GRIN2A: variants seen among roughly 807,000 people sequenced by gnomAD.
GRIN2A encodes glutamate ionotropic receptor NMDA type subunit 2A, also known as glutamate receptor ionotropic, NMDA 2A.
Under a neutral mutation model 113.4 loss-of-function variants are expected in GRIN2A, and 22 were observed. That is an observed-to-expected ratio of 0.19 (90% CI 0.14 to 0.28). The LOEUF (loss-of-function observed/expected upper bound fraction) is 0.28. Ranked by LOEUF, GRIN2A falls within the 10% of genes least tolerant of loss-of-function variation. The pLI is 1.00. For missense variants in GRIN2A, 1,502 were observed against 1,887.0 expected (o/e 0.80, Z 3.78); for synonymous variants, 827 against 738.4 (o/e 1.12, Z -1.94).
intron 3 of GRIN2A, among the ~76,000 whole-genome samples, chr16:9,917,372 A>G (rs1196017454): frequency 1.3e-5 from 2 of 152,238 alleles, no homozygotes; most frequent in Non-Finnish European, 2.9e-5. Flanking sequence ...GGGGTTTGGC[A>G]CTGAACACTA....
chr16:9,943,621 G>A lies in GRIN2A; in HGVS notation c.415-5070C>T, dbSNP rs183956664. Among the ~76,000 whole-genome samples, 11 of 152,280 alleles carry A rather than the reference G, an allele frequency of 7.2e-5. No individual in the cohort carries two copies. In the East Asian group the frequency reaches 2.1e-3, roughly 29 times the overall value. Reference sequence around the variant, plus strand: ...CCTAACTACTCAAGAGATAACGCAAGTGGCATAACACTCATGGATGGCATT... The same window carrying A: ...CCTAACTACTCAAGAGATAACGCAAATGGCATAACACTCATGGATGGCATT... On this transcript the variant is annotated intron_variant, in intron 2 of 12. Transcript: ENST00000330684.
intron 2 of GRIN2A, among the ~76,000 whole-genome samples, chr16:10,119,725 C>T (rs1283560078): frequency 6.6e-6 from 1 of 152,158 alleles, no homozygotes; most frequent in Non-Finnish European, 1.5e-5. Context: ...TTTATCCTCT[C>T]CCTCCTCCCA....
At chr16:9,798,214 G>A (rs1903118456) in intron 11 of GRIN2A, 63 bp downstream of exon 11, 2 of 1,349,506 alleles carry the variant, frequency 1.5e-6, no homozygotes, top group Admixed American at 3.5e-5. Flanking sequence ...AAGCCCAGGA[G>A]CAAACAAAGC....
chr16:10,112,488 G>C, intron 2 of GRIN2A: 2 of 882,886 alleles, frequency 2.3e-6, no homozygotes, highest in East Asian at 4.9e-5. Flanking sequence ...CAGACCGTGG[G>C]GCACGTGGTC....
At position 9,758,003 on chromosome 16, in the gene GRIN2A, C is replaced by T. The variant is rs1900429174; in HGVS notation, c.*5146G>A. 4.6e-6 allele frequency: 1 copy of T among 216,828 alleles called. No homozygotes were observed. The highest frequency in any genetic ancestry group is 5.8e-5 in the Admixed American group (1 of 17,228). The allele number at this position is 216,828 out of a possible 1,614,324, so 13.4% of individuals were successfully genotyped here. On this transcript the variant is annotated 3_prime_UTR_variant, in exon 13 of 13. Coordinates refer to ENST00000330684, the MANE Select transcript of GRIN2A (RefSeq NM_001134407.3). ...AAGTCAGCCCGGTCAGAGAATCGAG[C>T]CAGAAATTGAACCATGTCTTGGATC...
intron 4 of GRIN2A, among the ~76,000 whole-genome samples, chr16:9,854,740 G>A (rs2141380711): frequency 6.6e-6 from 1 of 152,228 alleles, no homozygotes; most frequent in South Asian, 2.1e-4. Flanking sequence ...ACTCATAAAA[G>A]CTATTCTGAA....
At chr16:9,782,743 C>CA (rs1299167570) in intron 11 of GRIN2A, among the ~76,000 whole-genome samples, 1 of 152,172 alleles carries the variant, frequency 6.6e-6, no homozygotes, top group Non-Finnish European at 1.5e-5. Context: ...GAATTCACTG[C>CA]AAATTTACGC....
Position 9,850,003 on chromosome 16 carries a change from C to T in GRIN2A, c.1123-42G>A, listed in dbSNP as rs759830401. On this transcript the variant is annotated intron_variant, in intron 4 of 12. Transcript: ENST00000330684. ...AAGACACAGCTGTGCTTTCTTCCGC[C>T]GCTGATTTCTGGAGAGGCAAATCCT... 6.4e-6 allele frequency: 10 copies of T among 1,551,856 alleles called. No individual in the cohort carries two copies. In the East Asian group the frequency reaches 9.0e-5, roughly 14 times the overall value.
intron 2 of GRIN2A, among the ~76,000 whole-genome samples, chr16:9,988,284 C>CGT (rs4031160): frequency 0.017 from 2,558 of 146,906 alleles, 55 homozygotes; most frequent in African/African-American, 0.054. Flanking sequence ...TGTGTGTGTG[C>CGT]GTGTGTGTGT....
intron 11 of GRIN2A, among the ~76,000 whole-genome samples, chr16:9,781,893 T>C (rs1427238827): frequency 1.3e-5 from 2 of 152,186 alleles, no homozygotes; most frequent in Admixed American, 1.3e-4. Context: ...ATGATGACAT[T>C]TTATGCAAAA....
At chr16:9,792,191 C>G (rs1902650167) in intron 11 of GRIN2A, among the ~76,000 whole-genome samples, 1 of 151,752 alleles carries the variant, frequency 6.6e-6, no homozygotes, top group African/African-American at 2.4e-5. Context: ...CTTGGACAGT[C>G]CAGGCAACAT....
At chr16:9,969,316 C>T (rs1304910862) in intron 2 of GRIN2A, among the ~76,000 whole-genome samples, 1 of 152,100 alleles carries the variant, frequency 6.6e-6, no homozygotes, top group East Asian at 1.9e-4. Context: ...TCTCCTTGTC[C>T]TTCTCTTATA....
chr16:10,073,920 CA>C (rs371987747), intron 2 of GRIN2A, among the ~76,000 whole-genome samples: 38 of 130,334 alleles, frequency 2.9e-4, no homozygotes, highest in Non-Finnish European at 3.5e-4. Context: ...ACCCCCGTCA[CA>C]AAAAAAAAAA....
intron 2 of GRIN2A, among the ~76,000 whole-genome samples, chr16:9,987,397 T>C (rs1276827728): frequency 6.6e-6 from 1 of 152,226 alleles, no homozygotes; most frequent in Non-Finnish European, 1.5e-5. Context: ...GCTAGAATAA[T>C]GTTGTTTTCT....
intron 2 of GRIN2A, among the ~76,000 whole-genome samples, chr16:10,134,401 G>A (rs899658550): frequency 1.4e-5 from 2 of 141,502 alleles, no homozygotes; most frequent in African/African-American, 5.1e-5. Flanking sequence ...AATTTGGGGA[G>A]TATATCATAG....
Position 9,834,096 on chromosome 16 carries a change from T to C in GRIN2A, c.1777+9A>G, listed in dbSNP as rs1357963874. 6.2e-7 allele frequency: 1 copy of C among 1,613,146 alleles called. No individual in the cohort carries two copies. Among genetic ancestry groups the C allele is most frequent in the East Asian group, 2.2e-5 (1 of 44,880 alleles). ...CAACATTGAATCATGCTCATGAAGG[T>C]ACCCTTACCTTTCCCTTTGGCTAAG... is the stretch of plus-strand genomic sequence containing the variant. On this transcript the variant is annotated intron_variant, in intron 8 of 12. Coordinates refer to ENST00000330684, the MANE Select transcript of GRIN2A (RefSeq NM_001134407.3).
At chr16:9,939,262 G>A (rs1366236426) in intron 2 of GRIN2A, among the ~76,000 whole-genome samples, 1 of 152,178 alleles carries the variant, frequency 6.6e-6, no homozygotes, top group Non-Finnish European at 1.5e-5. Context: ...TGAGGAAGAG[G>A]AGAAGTGCAT....
chr16:10,161,341 C>T (rs1221537166), intron 2 of GRIN2A, among the ~76,000 whole-genome samples: 1 of 152,196 alleles, frequency 6.6e-6, no homozygotes, highest in Admixed American at 6.5e-5. Flanking sequence ...GTCAATTAAA[C>T]CTTTTTCCTT....
chr16:10,068,448 C>T (rs2047690169), intron 2 of GRIN2A, among the ~76,000 whole-genome samples: 1 of 152,106 alleles, frequency 6.6e-6, no homozygotes, highest in African/African-American at 2.4e-5. Flanking sequence ...ATCACATGGC[C>T]AGAGCAGGAG....
Sources: gnomAD v4.1 joint callset for allele counts (sites outside exome capture counted in the v4.1 genomes callset) on GRCh38, gnomAD v4.1.1 for gene constraint, MANE v1.5 for transcripts, NCBI Gene and HGNC (gene_info 2026-07-23, HGNC 2026-07-21) for gene names.